RSPO4: variants seen among roughly 807,000 people sequenced by gnomAD.
The protein encoded by RSPO4 is R-spondin-4.
A neutral mutation model predicts 24.8 loss-of-function variants in RSPO4; 23 were observed. The observed-to-expected ratio is 0.93, with a 90% CI of 0.67 to 1.31. The LOEUF is 1.31. RSPO4 is among the 40% of genes most tolerant of loss of function. The pLI is 0.00. For synonymous variants in RSPO4, 141 were observed against 127.4 expected, an observed-to-expected ratio of 1.11 and a Z score of -0.72; for missense variants, 333 against 316.5, an observed-to-expected ratio of 1.05 and a Z score of -0.39.
chr20:995,477 G>A (rs1165541827), intron 1 of RSPO4, among the ~76,000 whole-genome samples: 1 of 152,190 alleles, frequency 6.6e-6, no homozygotes, highest in African/African-American at 2.4e-5. Flanking sequence ...TGTCTGCCAC[G>A]CCCTGGCCGA....
chr20:984,486 T>C (rs1286008846), intron 1 of RSPO4, among the ~76,000 whole-genome samples: 1 of 152,166 alleles, frequency 6.6e-6, no homozygotes, highest in Non-Finnish European at 1.5e-5. Flanking sequence ...CCTGCCAGTG[T>C]TCCTGGGAAA....
chr20:960,747 G>GTT (rs1983967125), intron 4 of RSPO4, among the ~76,000 whole-genome samples: 1 of 152,244 alleles, frequency 6.6e-6, no homozygotes, highest in Non-Finnish European at 1.5e-5. Flanking sequence ...AGGCCTGCAG[G>GTT]TTCACCTGGG....
chr20:960,570 C>A (rs1249853391), intron 4 of RSPO4, 104 bp from the exon 5 acceptor site: 6 of 816,696 alleles, frequency 7.3e-6, no homozygotes, highest in South Asian at 1.4e-5. Flanking sequence ...CACTCCCCAA[C>A]AACGGGGCTC....
intron 1 of RSPO4, among the ~76,000 whole-genome samples, chr20:990,450 T>C (rs1359030902): frequency 1.3e-5 from 2 of 151,298 alleles, no homozygotes; most frequent in African/African-American, 4.9e-5. Context: ...TTCTTTCTCT[T>C]TCTCTTTTCT....
chr20:1,002,106 A>G lies in RSPO4; in HGVS notation c.59T>C (p.Leu20Pro). ...LVAHAVDMLA[L>P]NRRKKQVGTG... Reference sequence around the variant, plus strand: ...TGTACCTTGCTTCTTCCTTCGGTTCAGGGCGAGCATGTCCACGGCGTGGGC... The same window carrying G: ...TGTACCTTGCTTCTTCCTTCGGTTCGGGGCGAGCATGTCCACGGCGTGGGC... Residue 20 changes from leucine to proline, a missense_variant, in exon 1 of 5, where the codon CTG becomes CCG. Transcript: ENST00000217260. This position sits in a 1 kb window ranked among gnomAD's most constrained non-coding sequence, Gnocchi z 4.6. 6.4e-7 allele frequency: 1 copy of G among 1,563,798 alleles called. No homozygotes were observed. Among genetic ancestry groups the G allele is most frequent in the South Asian group, 1.2e-5 (1 of 85,104 alleles).
At chr20:967,034 C>T (rs1221008822) in intron 3 of RSPO4, 140 bp downstream of exon 3, 20 of 766,924 alleles carry the variant, frequency 2.6e-5, no homozygotes, top group Non-Finnish European at 4.1e-5. Flanking sequence ...ACCCAGTGTA[C>T]CTGACATGGT....
In RSPO4 at chr20:960,619, A is replaced by G. The variant is rs546503309; in HGVS notation, c.596-153T>C. ...ACTGACCTTGCAGTCCCTCCTGTTGAGAGTTTGGACCGTGGGCTAAGGTAC... is the reference window on the plus strand; with the variant it reads ...ACTGACCTTGCAGTCCCTCCTGTTGGGAGTTTGGACCGTGGGCTAAGGTAC... On this transcript the variant is annotated intron_variant, in intron 4 of 4. Transcript: ENST00000217260. Among the ~76,000 whole-genome samples the G allele has an allele frequency of 4.6e-5, 7 of 152,328 alleles. No homozygotes were observed. In the South Asian group the frequency reaches 1.4e-3, roughly 32 times the overall value.
chr20:968,959 G>A (rs1984321696), intron 1 of RSPO4, among the ~76,000 whole-genome samples: 1 of 152,216 alleles, frequency 6.6e-6, no homozygotes, highest in Non-Finnish European at 1.5e-5. Flanking sequence ...CTGTTACCCT[G>A]ACCATCACCC....
intron 1 of RSPO4, among the ~76,000 whole-genome samples, chr20:982,192 C>A (rs1359854951): frequency 6.6e-6 from 1 of 152,142 alleles, no homozygotes; most frequent in African/African-American, 2.4e-5. Flanking sequence ...TTCTCCAGAC[C>A]CACCTGCCCA....
At chr20:976,183 G>A (rs1243420286) in intron 1 of RSPO4, among the ~76,000 whole-genome samples, 1 of 152,148 alleles carries the variant, frequency 6.6e-6, no homozygotes, top group African/African-American at 2.4e-5. Context: ...CACACAGTAG[G>A]TGCTCCTCTG....
chr20:961,955 C>T (rs1600086778), intron 4 of RSPO4, among the ~76,000 whole-genome samples: 1 of 152,042 alleles, frequency 6.6e-6, no homozygotes, highest in African/African-American at 2.4e-5. Context: ...CACCTACCTA[C>T]TCATCCACCC....
At chr20:991,323 C>T (rs1185193265) in intron 1 of RSPO4, among the ~76,000 whole-genome samples, 1 of 152,028 alleles carries the variant, frequency 6.6e-6, no homozygotes, top group Admixed American at 6.6e-5. Context: ...GAACAAGCCC[C>T]CTCTCCCCAC....
rs751990801 is a variant in RSPO4 at position 1,002,135 on chromosome 20, G to A, written c.30C>T (p.Leu10=). The stretch of plus-strand genomic sequence containing the variant: ...CGAGCATGTCCACGGCGTGGGCGAC[G>A]AGCAGGAGCAGGCAGAGTGGCGCCC... MRAPLCLLL[L]VAHAVDMLAL... Residue 10 remains leucine (L), a synonymous_variant, in exon 1 of 5, where the codon CTC becomes CTT. Coordinates refer to ENST00000217260, the MANE Select transcript of RSPO4 (RefSeq NM_001029871.4). The surrounding 1 kb of genome is among the most constrained non-coding windows in gnomAD (Gnocchi z 4.6). The A allele has an allele frequency of 3.2e-6, 5 of 1,564,100 alleles. 1 individual carries two copies. The highest frequency in any genetic ancestry group is 3.7e-5 in the Admixed American group (2 of 53,530).
intron 1 of RSPO4, among the ~76,000 whole-genome samples, chr20:976,732 C>T (rs1242677548): frequency 6.6e-6 from 1 of 152,128 alleles, no homozygotes; most frequent in African/African-American, 2.4e-5. Context: ...AGCTCGTCTC[C>T]TCAGTAGCCC....
Position 981,342 on chromosome 20 carries a change from T to C in RSPO4, c.80-13204A>G, listed in dbSNP as rs954094466. Among the ~76,000 whole-genome samples, 1 of 152,012 alleles carries C rather than the reference T, an allele frequency of 6.6e-6. No individual in the cohort carries two copies. Among genetic ancestry groups the C allele is most frequent in the Non-Finnish European group, 1.5e-5 (1 of 67,996 alleles). On this transcript the variant is annotated intron_variant, in intron 1 of 4. Transcript: ENST00000217260. The surrounding 1 kb of genome is among the most constrained non-coding windows in gnomAD (Gnocchi z 4.6). The stretch of plus-strand genomic sequence containing the variant: ...GAGTTCGAGACCAGCCTGGCCAACA[T>C]GGCAAAACCCCGTCTCTACTAAAAA...
chr20:975,943 T>C (rs1984549330), intron 1 of RSPO4, among the ~76,000 whole-genome samples: 2 of 152,202 alleles, frequency 1.3e-5, no homozygotes, highest in African/African-American at 4.8e-5. Flanking sequence ...TCTGATAAAC[T>C]GAAGCTACCA....
At position 968,112 on chromosome 20, in the gene RSPO4, T is replaced by C; in HGVS notation, c.106A>G (p.Thr36Ala). ...QVGTGLGGNC[T>A]GCIICSEENG... ...TCCTCTGAGCAGATGATACAGCCTG[T>C]GCAGTTGCCCCCCAGGCCAGTGCCC... Residue 36 changes from threonine (T) to alanine (A), a missense_variant, in exon 2 of 5, where the codon ACA (threonine) becomes GCA (alanine). Coordinates refer to ENST00000217260, the MANE Select transcript of RSPO4 (RefSeq NM_001029871.4). 6.2e-7 allele frequency: 1 copy of C among 1,614,072 alleles called. No individual in the cohort carries two copies. The highest frequency in any genetic ancestry group is 1.1e-5 in the South Asian group (1 of 91,076).
Position 1,002,294 on chromosome 20 carries a change from G to A in RSPO4, c.-130C>T. 5.9e-6 allele frequency: 2 copies of A among 337,878 alleles called. No homozygotes were observed. Among genetic ancestry groups the A allele is most frequent in the South Asian group, 1.2e-4 (1 of 8,428 alleles). The allele number at this position is 337,878 out of a possible 1,614,324, so 20.9% of individuals were successfully genotyped here. ...CGGGCGCATCCGCCAGGCGCGGGTC[G>A]GTCCGGCCGCCAGGTCTAGTGAGGG... On this transcript the variant is annotated 5_prime_UTR_variant, in exon 1 of 5. Coordinates refer to ENST00000217260, the MANE Select transcript of RSPO4 (RefSeq NM_001029871.4). This position sits in a 1 kb window ranked among gnomAD's most constrained non-coding sequence, Gnocchi z 4.6.
Position 960,278 on chromosome 20 carries a change from A to T in RSPO4, c.*79T>A. On this transcript the variant is annotated 3_prime_UTR_variant, in exon 5 of 5. Transcript: ENST00000217260. The stretch of plus-strand genomic sequence containing the variant: ...ATGGAGAAGACAGAGGAGAAAGAGT[A>T]AGAGGAGAGGAGGAGAAGGAGCAGG... The T allele has an allele frequency of 2.3e-6, 2 of 861,600 alleles. No homozygotes were observed. The highest frequency in any genetic ancestry group is 3.8e-6 in the Non-Finnish European group (2 of 531,582). 53.4% of individuals were successfully genotyped at this position (861,600 alleles called of 1,614,324 possible). A position where few individuals can be genotyped will look rare whatever the true frequency, so the allele number is the denominator to read the frequency against.
Sources: gnomAD v4.1 joint callset for allele counts (sites outside exome capture counted in the v4.1 genomes callset) on GRCh38, gnomAD v4.1.1 for gene constraint, Gnocchi (gnomAD v3.1) non-coding constraint, MANE v1.5 for transcripts, NCBI Gene and HGNC (gene_info 2026-07-23, HGNC 2026-07-21) for gene names.